The following ERAP1 variants were observed in gnomAD, a reference collection of about 807,000 sequenced individuals.
ERAP1 encodes the protein endoplasmic reticulum aminopeptidase 1.
ERAP1 carries 86 observed loss-of-function variants against 103.7 expected under a neutral mutation model. The ratio of observed to expected loss-of-function variants is 0.83; its 90% confidence interval spans 0.70 to 0.99. ERAP1 has a LOEUF of 0.99. Among genes scored for constraint, ERAP1 ranks in the 50% least tolerant of loss-of-function variants. The pLI is 0.00. For synonymous variants in ERAP1, 398 were observed against 402.4 expected (o/e 0.99, Z 0.13); for missense variants, 1,009 against 1,128.4 (o/e 0.89, Z 1.52).
chr5:96,899,967 A>G, the ERAP1 span, among the ~76,000 whole-genome samples: 7 of 152,194 alleles, frequency 4.6e-5, no homozygotes, highest in Non-Finnish European at 8.8e-5. Context: ...GTCACTGCAA[A>G]CATGCCTTTT....
the ERAP1 span, among the ~76,000 whole-genome samples, chr5:96,821,223 T>C: frequency 6.6e-6 from 1 of 152,194 alleles, no homozygotes; most frequent in African/African-American, 2.4e-5. Context: ...GATAATCAGA[T>C]CTACACAAAG....
chr5:96,785,673 A>G (rs1241011295), intron 13 of ERAP1, 115 bp downstream of exon 13: 103 of 1,213,516 alleles, frequency 8.5e-5, no homozygotes, highest in South Asian at 1.2e-4. Context: ...ACTTAAAGGA[A>G]AACACCTTTC....
In ERAP1 at chr5:96,798,871, C is replaced by CTTTTGTT. The variant is rs529618098; in HGVS notation, c.664-1563_664-1562insAACAAAA. ...TCTGCCTACCTACAACAAAAATTTC[C>CTTTTGTT]TTTTTTTTTTTTTTGAGATGGAGTC... On this transcript the variant is annotated intron_variant, in intron 3 of 18. Coordinates refer to ENST00000443439, the MANE Select transcript of ERAP1 (RefSeq NM_001040458.3). 4.0e-5 allele frequency among the ~76,000 whole-genome samples: 5 copies of CTTTTGTT among 124,878 alleles called. No homozygotes were observed. In the South Asian group the frequency reaches 7.7e-4, roughly 19 times the overall value. The allele number at this position is 124,878 out of a possible 152,430, so 81.9% of individuals were successfully genotyped here.
At chr5:96,810,792 G>T (rs1419374718), upstream of ERAP1, among the ~76,000 whole-genome samples, 18 of 152,214 alleles carry the variant, frequency 1.2e-4, no homozygotes. Flanking sequence ...GTTCAATTTT[G>T]CTGTAATTGA....
the ERAP1 span, chr5:96,901,396 T>C: frequency 8.1e-7 from 1 of 1,227,362 alleles, no homozygotes. Flanking sequence ...AGTCCGAGTC[T>C]TCTGTTCCCC....
upstream of ERAP1, among the ~76,000 whole-genome samples, chr5:96,811,247 G>A (rs1261547852): frequency 1.3e-5 from 2 of 152,096 alleles, no homozygotes; most frequent in South Asian, 2.1e-4. Context: ...CAGGGAAGAC[G>A]GTACAGATGC....
chr5:96,922,892 G>C, the ERAP1 span, among the ~76,000 whole-genome samples: 1 of 152,220 alleles, frequency 6.6e-6, no homozygotes, highest in African/African-American at 2.4e-5. Context: ...GCCATTATTA[G>C]GTAGGACGAG....
chr5:96,784,929 G>A (rs141882918), intron 13 of ERAP1: 143 of 152,222 alleles, frequency 9.4e-4, no homozygotes, highest in African/African-American at 3.3e-3. Flanking sequence ...TTCTACAGAG[G>A]GGAATTTTTT....
chr5:96,771,404 TA>T (rs1772270124), downstream of ERAP1, among the ~76,000 whole-genome samples: 1 of 152,030 alleles, frequency 6.6e-6, no homozygotes, highest in South Asian at 2.1e-4. Flanking sequence ...ACCCTAGCCT[TA>T]AAAAAATAAA....
In ERAP1 at chr5:96,775,247, G is replaced by A. The variant is rs575510411; in HGVS notation, c.*1149C>T. On this transcript the variant is annotated 3_prime_UTR_variant, in exon 19 of 19. Coordinates refer to ENST00000443439, the MANE Select transcript of ERAP1 (RefSeq NM_001040458.3). Reference sequence around the variant, plus strand: ...GCAGCAACTGTGTGCTGAAGCAACCGTGTGTGAAGTCTTCACAAAAGAAAG... The same window carrying A: ...GCAGCAACTGTGTGCTGAAGCAACCATGTGTGAAGTCTTCACAAAAGAAAG... 17 of 954,756 alleles carry A rather than the reference G, an allele frequency of 1.8e-5. No homozygotes were observed. Among genetic ancestry groups the A allele is most frequent in the East Asian group, 1.2e-4 (1 of 8,364 alleles). The allele number at this position is 954,756 out of a possible 1,614,324, so 59.1% of individuals were successfully genotyped here.
chr5:96,838,021 G>A, the ERAP1 span, among the ~76,000 whole-genome samples: 1 of 152,010 alleles, frequency 6.6e-6, no homozygotes. Context: ...TCTCTCTGCT[G>A]GTGGAGCTTG....
At chr5:96,912,515 T>C in the ERAP1 span, 2 of 588,254 alleles carry the variant, frequency 3.4e-6, no homozygotes, top group East Asian at 3.3e-5. Flanking sequence ...GAGAAAAAGA[T>C]TTAATACATT....
In ERAP1 at chr5:96,788,418, C is replaced by A. The variant is rs78567698; in HGVS notation, c.1679+113G>T. The A allele has an allele frequency of 7.1e-4, 900 of 1,274,566 alleles. 6 individuals carry two copies. In the African/African-American group the frequency reaches 0.011, roughly 16 times the overall value. 79.0% of individuals were successfully genotyped at this position (1,274,566 alleles called of 1,614,324 possible). A position where few individuals can be genotyped will look rare whatever the true frequency, so the allele number is the denominator to read the frequency against. ...GTCAACTTCATAGGATACACAGATG[C>A]AGCTGAAATATTTTAGCAATAGTGG... On this transcript the variant is annotated intron_variant, in intron 11 of 18. Transcript: ENST00000443439.
At chr5:96,795,280 A>G (rs1160990942) in intron 4 of ERAP1, 118 bp from the exon 5 acceptor site, 1 of 1,346,026 alleles carries the variant, frequency 7.4e-7, no homozygotes, top group Non-Finnish European at 1.0e-6. Flanking sequence ...AATATTAAAG[A>G]AAATAATTGG....
At chr5:96,862,597 G>C in the ERAP1 span, among the ~76,000 whole-genome samples, 1 of 152,136 alleles carries the variant, frequency 6.6e-6, no homozygotes, top group South Asian at 2.1e-4. Flanking sequence ...TTATGAATAA[G>C]GGGCATTAAA....
chr5:96,807,865 G>A lies in ERAP1; in HGVS notation c.-23C>T, dbSNP rs1022968539. ...GCGGCTCGAGCGCGCTGTACCTGGGGTTCTGGGGCCGCCCTCACCCTTGCG... is the reference window on the plus strand; with the variant it reads ...GCGGCTCGAGCGCGCTGTACCTGGGATTCTGGGGCCGCCCTCACCCTTGCG... On this transcript the variant is annotated 5_prime_UTR_variant, in exon 1 of 19. Transcript: ENST00000443439. 3.8e-5 allele frequency: 37 copies of A among 986,044 alleles called. No individual in the cohort carries two copies. In the Admixed American group the frequency reaches 2.2e-3, roughly 59 times the overall value. The allele number at this position is 986,044 out of a possible 1,614,324, so 61.1% of individuals were successfully genotyped here. A position where few individuals can be genotyped will look rare whatever the true frequency, so the allele number is the denominator to read the frequency against.
intron 2 of ERAP1, 123 bp downstream of exon 2, chr5:96,803,280 G>A: frequency 2.0e-6 from 2 of 1,001,368 alleles, no homozygotes; most frequent in South Asian, 1.5e-5. Flanking sequence ...TAAAGAAGAT[G>A]CAAAAGCAAA....
chr5:96,884,046 C>CTATT, the ERAP1 span: 1 of 355,928 alleles, frequency 2.8e-6, no homozygotes, highest in Non-Finnish European at 5.1e-6. Flanking sequence ...ATCTATCTAT[C>CTATT]TATCTATCTA....
rs1292197159 is a variant in ERAP1, at chr5:96,775,459, A to C, written c.*937T>G. Reference sequence around the variant, plus strand: ...AGAAAAAAAATCACCTCCCTAAGAAAAGGGTTTTCCTACAGACTTGAATGC... The same window carrying C: ...AGAAAAAAAATCACCTCCCTAAGAACAGGGTTTTCCTACAGACTTGAATGC... On this transcript the variant is annotated 3_prime_UTR_variant, in exon 19 of 19. Transcript: ENST00000443439. 3 of 985,480 alleles carry C rather than the reference A, an allele frequency of 3.0e-6. No individual in the cohort carries two copies. The allele number at this position is 985,480 out of a possible 1,614,324, so 61.0% of individuals were successfully genotyped here.
Sources: gnomAD v4.1 joint callset for allele counts (sites outside exome capture counted in the v4.1 genomes callset) on GRCh38, gnomAD v4.1.1 for gene constraint, MANE v1.5 for transcripts, NCBI Gene and HGNC (gene_info 2026-07-23, HGNC 2026-07-21) for gene names.